PPP2R2C: variants seen among roughly 807,000 people sequenced by gnomAD.
PPP2R2C encodes the protein protein phosphatase 2 regulatory subunit Bgamma, also known as protein phosphatase 2, regulatory subunit B, gamma.
PPP2R2C carries 10 observed loss-of-function variants against 45.3 expected under a neutral mutation model. The observed-to-expected ratio is 0.22, with a 90% confidence interval of 0.14 to 0.37. The LOEUF (loss-of-function observed/expected upper bound fraction) is 0.37, where lower values mean the gene tolerates loss of function less well. Ranked by LOEUF, PPP2R2C falls within the 10% of genes least tolerant of loss-of-function variation. PPP2R2C has a pLI of 1.00. For missense variants in PPP2R2C, 308 were observed against 619.7 expected, an observed-to-expected ratio of 0.50 and a Z score of 5.34; for synonymous variants, 257 against 245.4, an observed-to-expected ratio of 1.05 and a Z score of -0.44.
intron 2 of PPP2R2C, among the ~76,000 whole-genome samples, chr4:6,506,913 T>A (rs1346969673): frequency 6.6e-6 from 1 of 152,188 alleles, no homozygotes; most frequent in African/African-American, 2.4e-5. Context: ...TCTCACACCA[T>A]GACTGCTGGT....
In PPP2R2C at chr4:6,551,686, G is replaced by A. The variant is rs115669523; in HGVS notation, c.-59+11874C>T. ...CACCCTGGGCTGCCATGCTGGACAA[G>A]CCACATGTCAGGGCTCAGGTGACAG... On this transcript the variant is annotated intron_variant, in intron 1 of 9. Transcript: ENST00000506140. 8.6e-3 allele frequency among the ~76,000 whole-genome samples: 1,308 copies of A among 152,354 alleles called. 16 individuals carry two copies. The highest frequency in any genetic ancestry group is 0.03 in the African/African-American group (1,238 of 41,576).
chr4:6,543,150 C>T (rs1262860469), intron 1 of PPP2R2C, among the ~76,000 whole-genome samples: 2 of 152,202 alleles, frequency 1.3e-5, no homozygotes, highest in East Asian at 3.8e-4. Context: ...GAAGAAGCAG[C>T]CATCTGGGCC....
In PPP2R2C at chr4:6,323,215, C is replaced by A. The variant is rs1731663799; in HGVS notation, c.*87G>T. ...CTGTCCTCATCAGTGCTGTGACTTT[C>A]TTCCCCTCCTTGCATTGCGGTCGTG... On this transcript the variant is annotated 3_prime_UTR_variant, in exon 9 of 9. Coordinates refer to ENST00000382599, the MANE Select transcript of PPP2R2C (RefSeq NM_020416.4). The A allele has an allele frequency of 2.7e-6, 4 of 1,469,378 alleles. No homozygotes were observed. In the East Asian group the frequency reaches 7.1e-5, roughly 26 times the overall value. The allele number at this position is 1,469,378 out of a possible 1,614,324, so 91.0% of individuals were successfully genotyped here. A position where few individuals can be genotyped will look rare whatever the true frequency, so the allele number is the denominator to read the frequency against.
intron 1 of PPP2R2C, among the ~76,000 whole-genome samples, chr4:6,541,625 C>T (rs1469633718): frequency 2.0e-5 from 3 of 152,152 alleles, no homozygotes; most frequent in Non-Finnish European, 4.4e-5. Context: ...CAGCTCACTG[C>T]AACCTCTGCC....
At chr4:6,349,024 G>A (rs948054357) in intron 5 of PPP2R2C, 34 of 985,120 alleles carry the variant, frequency 3.5e-5, no homozygotes, top group Middle Eastern at 1.0e-3. Context: ...CCCGGCCCCA[G>A]CACCTGCTCT....
chr4:6,503,934 C>G (rs1204861645), intron 2 of PPP2R2C, among the ~76,000 whole-genome samples: 1 of 152,166 alleles, frequency 6.6e-6, no homozygotes, highest in Non-Finnish European at 1.5e-5. Flanking sequence ...CCTAAGGCAC[C>G]TAAGGGCAAT....
chr4:6,376,096 G>A (rs1386791739), intron 3 of PPP2R2C, among the ~76,000 whole-genome samples, 165 bp from the exon 4 acceptor site: 2 of 152,238 alleles, frequency 1.3e-5, no homozygotes, highest in East Asian at 3.8e-4. Flanking sequence ...GAGGCCTCCA[G>A]CCTTCGGCCT....
In PPP2R2C at chr4:6,512,083, ATGG is replaced by A. The variant is rs1157543779; in HGVS notation, c.49+23185_49+23187del. Among the ~76,000 whole-genome samples the A allele has an allele frequency of 2.9e-3, 41 of 14,072 alleles. 1 individual carries two copies. The highest frequency in any genetic ancestry group is 4.3e-3 in the African/African-American group (12 of 2,812). 9.2% of individuals were successfully genotyped at this position (14,072 alleles called of 152,430 possible). A position where few individuals can be genotyped will look rare whatever the true frequency, so the allele number is the denominator to read the frequency against. ...GGTGGTGATGGTGGTGATGGTGCTG[ATGG>A]TGGTGGTGGTGGTGGTGGTGGTGGT... On this transcript the variant is annotated intron_variant, in intron 2 of 9. Coordinates refer to the PPP2R2C transcript ENST00000506140.
rs11286848 is a variant in PPP2R2C at position 6,403,864 on chromosome 4, GAA to G, written c.71-22772_71-22771del. On this transcript the variant is annotated intron_variant, in intron 1 of 8. Transcript: ENST00000382599. ...GGTGACAGAGTGAAACTCCGCCTCAGAAAAAAAAAAAAAAAAGTACAACAAAT... is the reference window on the plus strand; with the variant it reads ...GGTGACAGAGTGAAACTCCGCCTCAGAAAAAAAAAAAAAAGTACAACAAAT... 7.7e-4 allele frequency among the ~76,000 whole-genome samples: 105 copies of G among 135,870 alleles called. 1 individual carries two copies. The highest frequency in any genetic ancestry group is 1.8e-3 in the Admixed American group (24 of 13,632). 89.1% of individuals were successfully genotyped at this position (135,870 alleles called of 152,430 possible).
At chr4:6,539,361 C>A (rs1724733575) in intron 1 of PPP2R2C, among the ~76,000 whole-genome samples, 2 of 152,178 alleles carry the variant, frequency 1.3e-5, no homozygotes, top group Admixed American at 1.3e-4. Flanking sequence ...TGACCTTGGA[C>A]TTCTAGCCTC....
At chr4:6,444,213 T>A (rs1380631437) in intron 1 of PPP2R2C, among the ~76,000 whole-genome samples, 1 of 151,970 alleles carries the variant, frequency 6.6e-6, no homozygotes. Flanking sequence ...GCCCCGAAAA[T>A]GGAAATCAGA....
At chr4:6,476,160 C>T (rs972996436), upstream of PPP2R2C, among the ~76,000 whole-genome samples, 10 of 152,118 alleles carry the variant, frequency 6.6e-5, no homozygotes, top group African/African-American at 1.7e-4. Context: ...CAGCCCAAGC[C>T]GACTGCACAA....
rs1711830554 is a variant in PPP2R2C at position 6,345,789 on chromosome 4, C to T, written c.790+2057G>A. Among the ~76,000 whole-genome samples the T allele has an allele frequency of 6.6e-6, 1 of 152,100 alleles. No individual in the cohort carries two copies. Among genetic ancestry groups the T allele is most frequent in the Non-Finnish European group, 1.5e-5 (1 of 68,008 alleles). ...AAGTGTGTGGTCCTTTGTTGTGGCG[C>T]ACAGGACGCAGCCCCGAGCCCCCTG... On this transcript the variant is annotated intron_variant, in intron 6 of 8. Coordinates refer to ENST00000382599, the MANE Select transcript of PPP2R2C (RefSeq NM_020416.4). The surrounding 1 kb of genome is among the most constrained non-coding windows in gnomAD (Gnocchi z 5.3).
chr4:6,488,813 T>A (rs1245024438), intron 2 of PPP2R2C, among the ~76,000 whole-genome samples: 1 of 152,186 alleles, frequency 6.6e-6, no homozygotes, highest in Non-Finnish European at 1.5e-5. Context: ...TCCTGAGTTG[T>A]CTACCCAATT....
At chr4:6,412,985 G>C (rs993115811) in intron 1 of PPP2R2C, among the ~76,000 whole-genome samples, 54 of 152,252 alleles carry the variant, frequency 3.5e-4, no homozygotes, top group African/African-American at 1.3e-3. Flanking sequence ...TGTTAGAAAT[G>C]TTTCTGTTGT....
intron 1 of PPP2R2C, among the ~76,000 whole-genome samples, chr4:6,429,692 C>T (rs10516180): frequency 4.6e-5 from 7 of 152,080 alleles, no homozygotes; most frequent in African/African-American, 9.7e-5. Context: ...ATTTTATGAC[C>T]GTCTCAGAGT....
chr4:6,377,591 G>A (rs772388059), intron 3 of PPP2R2C, among the ~76,000 whole-genome samples: 1 of 152,140 alleles, frequency 6.6e-6, no homozygotes, highest in Non-Finnish European at 1.5e-5. Context: ...CCCGGGAGGC[G>A]GAGGTTGCCG....
chr4:6,556,969 G>A (rs1411557846), intron 1 of PPP2R2C, among the ~76,000 whole-genome samples: 1 of 152,116 alleles, frequency 6.6e-6, no homozygotes, highest in Admixed American at 6.5e-5. Flanking sequence ...AAGACTCCCC[G>A]GCAGAGATCC....
intron 1 of PPP2R2C, among the ~76,000 whole-genome samples, chr4:6,548,499 A>C (rs1725071164): frequency 6.6e-6 from 1 of 152,234 alleles, no homozygotes; most frequent in Admixed American, 6.5e-5. Flanking sequence ...CGACTCCTGA[A>C]AACAGCCCTG....
Sources: allele counts gnomAD v4.1 joint callset (sites outside exome capture counted in the v4.1 genomes callset), GRCh38; gene constraint gnomAD v4.1.1; non-coding constraint Gnocchi (gnomAD v3.1); transcripts MANE v1.5; gene names NCBI Gene and HGNC (gene_info 2026-07-23, HGNC 2026-07-21).